Variants in ARHGAP20 observed in about 807,000 individuals in gnomAD.
ARHGAP20 encodes rho GTPase-activating protein 20.
ARHGAP20 carries 34 observed loss-of-function variants against 73.7 expected under a neutral mutation model. That is an observed-to-expected ratio of 0.46 (90% CI 0.35 to 0.61). The LOEUF (loss-of-function observed/expected upper bound fraction) is 0.61, where lower values mean the gene tolerates loss of function less well. Among genes scored for constraint, ARHGAP20 ranks in the 20% least tolerant of loss-of-function variants. The pLI is 0.00. For missense variants in ARHGAP20, 1,314 were observed against 1,420.9 expected (o/e 0.92, Z 1.21); for synonymous variants, 523 against 518.2 (o/e 1.01, Z -0.13).
intron 12 of ARHGAP20, among the ~76,000 whole-genome samples, chr11:110,585,447 A>C (rs1947636948): frequency 6.6e-6 from 1 of 151,490 alleles, no homozygotes; most frequent in South Asian, 2.1e-4. Flanking sequence ...ACTATGTTCT[A>C]CTGGTGAAAG....
rs77246769 is a variant in ARHGAP20, at chr11:110,628,609, G to A, written c.353+2019C>T. Among the ~76,000 whole-genome samples the A allele has an allele frequency of 1.6e-3, 249 of 152,044 alleles. 4 individuals are homozygous for A. In the East Asian group the frequency reaches 0.033, roughly 20 times the overall value. ...TGTCAAAAAATAACTTAGATCATTC[G>A]CACTTTTAAATATTCCCAATGGGTA... On this transcript the variant is annotated intron_variant, in intron 3 of 14. Transcript: ENST00000683387.
intron 11 of ARHGAP20, among the ~76,000 whole-genome samples, chr11:110,586,707 G>A (rs1591296762): frequency 6.6e-6 from 1 of 152,140 alleles, no homozygotes; most frequent in Non-Finnish European, 1.5e-5. Flanking sequence ...GTATCTATGA[G>A]GTTCATTGTC....
chr11:110,622,417 T>C (rs187834275), intron 4 of ARHGAP20, among the ~76,000 whole-genome samples: 307 of 152,352 alleles, frequency 2.0e-3, no homozygotes, highest in African/African-American at 7.0e-3. Context: ...ATAGTTCTCA[T>C]GCTGTTTAAG....
In ARHGAP20 at chr11:110,579,639, G is replaced by C. The variant is rs73553932; in HGVS notation, c.3307C>G (p.Pro1103Ala). 968 of 1,614,200 alleles carry C rather than the reference G, an allele frequency of 6.0e-4. 5 individuals carry two copies. The African/African-American group carries it at 0.012, about 20-fold the overall frequency. The change falls in exon 15 of 15, where the codon CCT becomes GCT. Residue 1103 changes from proline (P) to alanine (A), a missense_variant. Pro to Ala is a conservative substitution (Grantham distance 27). Transcript: ENST00000683387. ...CTACACCTTTGGGCTGACTGCACAG[G>C]GGACAGTCCTTCAGCTGCCCTTAAG... ...LPLRAAEGLS[P>A]VQSAQRCSSS...
At chr11:110,685,476 C>T (rs920743300) in intron 2 of ARHGAP20, among the ~76,000 whole-genome samples, 2 of 148,368 alleles carry the variant, frequency 1.3e-5, no homozygotes, top group East Asian at 3.9e-4. Context: ...CCTCCAGCAG[C>T]TCTGAATGGT....
At chr11:110,661,674 T>C (rs1259072178) in intron 2 of ARHGAP20, among the ~76,000 whole-genome samples, 1 of 152,124 alleles carries the variant, frequency 6.6e-6, no homozygotes, top group Non-Finnish European at 1.5e-5. Flanking sequence ...TAGCATAACA[T>C]ATACTTTAAA....
chr11:110,592,273 A>C (rs938210309), intron 9 of ARHGAP20, 118 bp from the exon 10 acceptor site: 5 of 903,896 alleles, frequency 5.5e-6, no homozygotes, highest in Admixed American at 5.8e-5. Flanking sequence ...ATGCTAATAG[A>C]TGGCTTTTGT....
chr11:110,694,432 G>T (rs965534193), intron 1 of ARHGAP20, among the ~76,000 whole-genome samples: 3 of 150,248 alleles, frequency 2.0e-5, no homozygotes, highest in Non-Finnish European at 4.5e-5. Context: ...AGTATTGTAG[G>T]TCAAAAAACC....
intron 2 of ARHGAP20, among the ~76,000 whole-genome samples, chr11:110,660,506 C>T (rs1261930706): frequency 6.6e-6 from 1 of 152,152 alleles, no homozygotes; most frequent in Admixed American, 6.5e-5. Context: ...AAAGTGCTGG[C>T]AGGTCAACCT....
intron 9 of ARHGAP20, among the ~76,000 whole-genome samples, chr11:110,601,981 CAAA>C (rs34786190): frequency 1.5e-5 from 2 of 131,044 alleles, no homozygotes; most frequent in African/African-American, 2.6e-5. Flanking sequence ...GACTTTTTCT[CAAA>C]AAAAAAAAAA....
At chr11:110,696,530 G>C (rs1441092191) in intron 1 of ARHGAP20, among the ~76,000 whole-genome samples, 3 of 151,520 alleles carry the variant, frequency 2.0e-5, no homozygotes, top group Admixed American at 2.0e-4. Flanking sequence ...GAGATCTGAG[G>C]AATTTGCCCA....
chr11:110,666,379 T>C (rs931098281), intron 2 of ARHGAP20, among the ~76,000 whole-genome samples: 2 of 152,134 alleles, frequency 1.3e-5, no homozygotes, highest in East Asian at 1.9e-4. Flanking sequence ...TGAAAGCTTA[T>C]AGGACCTAAA....
In ARHGAP20 at chr11:110,580,455, G is replaced by A. The variant is rs769517781; in HGVS notation, c.2491C>T (p.His831Tyr). The change falls in exon 15 of 15, where the codon CAC becomes TAC. Residue 831 changes from histidine (H) to tyrosine (Y), a missense_variant. Around this residue, in one of 3 missense-constraint regions of ARHGAP20, gnomAD observed 641 missense variants for 636.9 expected, o/e 1.01. Transcript: ENST00000683387. ...DVNTSGYSPP[H>Y]TADALKGPRT... ...GGACCCTTGAGGGCATCTGCTGTGTGTGGTGGGGAGTATCCAGATGTATTC... is the reference window on the plus strand; with the variant it reads ...GGACCCTTGAGGGCATCTGCTGTGTATGGTGGGGAGTATCCAGATGTATTC... 1 of 1,613,898 alleles carries A rather than the reference G, an allele frequency of 6.2e-7. No individual in the cohort carries two copies. The highest frequency in any genetic ancestry group is 8.5e-7 in the Non-Finnish European group (1 of 1,179,960).
chr11:110,700,391 GCTTATTCAA>G (rs1950420290), intron 1 of ARHGAP20, among the ~76,000 whole-genome samples: 1 of 151,708 alleles, frequency 6.6e-6, no homozygotes, highest in East Asian at 1.9e-4. Flanking sequence ...TAACAAATTA[GCTTATTCAA>G]ACTTGACTAT....
intron 9 of ARHGAP20, among the ~76,000 whole-genome samples, chr11:110,605,864 T>C (rs1442540320): frequency 6.6e-6 from 1 of 152,250 alleles, no homozygotes; most frequent in Non-Finnish European, 1.5e-5. Context: ...TTGACAAAGG[T>C]AGCTATAGAA....
At chr11:110,634,778 A>C (rs974106850) in intron 2 of ARHGAP20, among the ~76,000 whole-genome samples, 1 of 152,164 alleles carries the variant, frequency 6.6e-6, no homozygotes, top group East Asian at 1.9e-4. Context: ...TGAGAGGGAA[A>C]TGGATAATGG....
At chr11:110,651,980 G>C (rs1200311156) in intron 2 of ARHGAP20, among the ~76,000 whole-genome samples, 1 of 151,978 alleles carries the variant, frequency 6.6e-6, no homozygotes, top group Non-Finnish European at 1.5e-5. Flanking sequence ...ATCGATGCAA[G>C]AATCTTCAAT....
At chr11:110,703,150 C>A (rs924817768) in intron 1 of ARHGAP20, among the ~76,000 whole-genome samples, 1 of 152,036 alleles carries the variant, frequency 6.6e-6, no homozygotes, top group Non-Finnish European at 1.5e-5. Context: ...CTTCTATTTA[C>A]CCATAAATCA....
chr11:110,662,419 G>A (rs1238283068), intron 2 of ARHGAP20, among the ~76,000 whole-genome samples: 2 of 151,770 alleles, frequency 1.3e-5, no homozygotes, highest in East Asian at 3.8e-4. Flanking sequence ...ACTATTCCAC[G>A]TGACTTTAAA....
Sources: allele counts gnomAD v4.1 joint callset (sites outside exome capture counted in the v4.1 genomes callset), GRCh38; gene constraint gnomAD v4.1.1; regional missense constraint gnomAD v4.1.1; transcripts MANE v1.5; gene names NCBI Gene and HGNC (gene_info 2026-07-23, HGNC 2026-07-21).